The following TTC28 variants were observed in gnomAD, a reference collection of about 807,000 sequenced individuals.
The protein encoded by TTC28 is tetratricopeptide repeat domain 28, also known as tetratricopeptide repeat protein 28.
In TTC28, 61 loss-of-function variants were observed where a neutral mutation model predicts 198.0. That is an observed-to-expected ratio of 0.31 (90% CI 0.25 to 0.38). TTC28 has a LOEUF of 0.38. Among genes scored for constraint, TTC28 ranks in the 10% least tolerant of loss-of-function variants. TTC28 has a pLI of 1.00. For missense variants in TTC28, 2,678 were observed against 3,164.0 expected (o/e 0.85, Z 3.69); for synonymous variants, 1,171 against 1,297.8 (o/e 0.90, Z 2.10).
chr22:28,298,522 A>C (rs931091205), intron 3 of TTC28, among the ~76,000 whole-genome samples: 1 of 152,086 alleles, frequency 6.6e-6, no homozygotes, highest in Admixed American at 6.6e-5. Flanking sequence ...ATCGTGGCTC[A>C]CTGCAGGCTC....
intron 12 of TTC28, among the ~76,000 whole-genome samples, chr22:28,065,750 G>GA (rs1389312236): frequency 1.3e-5 from 2 of 151,334 alleles, no homozygotes; most frequent in Non-Finnish European, 3.0e-5. Flanking sequence ...AGTAAAAAAA[G>GA]AAAGAGTTCT....
Position 28,094,062 on chromosome 22 carries a change from G to C in TTC28, c.3932+18C>G, listed in dbSNP as rs756280116. The C allele has an allele frequency of 4.6e-5, 69 of 1,507,378 alleles. No individual in the cohort carries two copies. The highest frequency in any genetic ancestry group is 5.7e-5 in the Non-Finnish European group (64 of 1,127,920). The allele number at this position is 1,507,378 out of a possible 1,614,324, so 93.4% of individuals were successfully genotyped here. ...GAGATTTATCTGAAAATGGACTTGG[G>C]GATGTTTTACTACCTACCTTGAGTA... On this transcript the variant is annotated intron_variant, in intron 12 of 22. Coordinates refer to ENST00000397906, the MANE Select transcript of TTC28 (RefSeq NM_001145418.2).
chr22:28,296,399 G>T, intron 4 of TTC28, 71 bp from the exon 5 acceptor site: 2 of 1,242,574 alleles, frequency 1.6e-6, no homozygotes, highest in Non-Finnish European at 2.1e-6. Context: ...ACATATAATG[G>T]TCATCTTAAT....
At chr22:28,513,954 A>G (rs5997372) in intron 2 of TTC28, among the ~76,000 whole-genome samples, 11,136 of 152,198 alleles carry the variant, frequency 0.073, 633 homozygotes, top group African/African-American at 0.16. Flanking sequence ...ACTTAAAATC[A>G]TACTGTTATA....
At chr22:28,630,228 A>G (rs1291644249) in intron 1 of TTC28, among the ~76,000 whole-genome samples, 1 of 152,120 alleles carries the variant, frequency 6.6e-6, no homozygotes, top group Non-Finnish European at 1.5e-5. Context: ...CAATCATCAA[A>G]ATCATAAGCC....
intron 2 of TTC28, among the ~76,000 whole-genome samples, chr22:28,608,924 T>C (rs2050776227): frequency 6.6e-6 from 1 of 152,064 alleles, no homozygotes; most frequent in African/African-American, 2.4e-5. Context: ...CAACAAACTC[T>C]GGGAGAGGGG....
In TTC28 at chr22:28,285,618, A is replaced by G. The variant is rs565820231; in HGVS notation, c.933+10580T>C. Among the ~76,000 whole-genome samples the G allele has an allele frequency of 2.6e-5, 4 of 152,332 alleles. No individual in the cohort carries two copies. In the South Asian group the frequency reaches 6.2e-4, roughly 24 times the overall value. On this transcript the variant is annotated intron_variant, in intron 5 of 22. Transcript: ENST00000397906. ...AAGTATGATACTTAATTGTTAATCAATTTGATTGTGGTCGTTTCACAATGT... is the reference window on the plus strand; with the variant it reads ...AAGTATGATACTTAATTGTTAATCAGTTTGATTGTGGTCGTTTCACAATGT...
intron 12 of TTC28, among the ~76,000 whole-genome samples, chr22:28,050,291 G>A (rs1351868912): frequency 1.3e-5 from 2 of 152,142 alleles, no homozygotes; most frequent in Non-Finnish European, 2.9e-5. Context: ...AAGGCAATCA[G>A]GGGCTGAGAA....
At chr22:28,142,004 C>T (rs135640) in intron 6 of TTC28, among the ~76,000 whole-genome samples, 117,799 of 152,158 alleles carry the variant, frequency 0.77, 46,317 homozygotes, top group African/African-American at 0.91. Context: ...TTTTCTGAAA[C>T]TGATGGAAGA....
intron 2 of TTC28, among the ~76,000 whole-genome samples, chr22:28,538,116 C>T (rs2049334200): frequency 1.3e-5 from 2 of 152,104 alleles, no homozygotes; most frequent in African/African-American, 2.4e-5. Flanking sequence ...GAGAGTGCCT[C>T]GCTCTGTTGC....
At chr22:28,631,938 A>T (rs2051179913) in intron 1 of TTC28, among the ~76,000 whole-genome samples, 1 of 152,178 alleles carries the variant, frequency 6.6e-6, no homozygotes, top group African/African-American at 2.4e-5. Flanking sequence ...GCTTGCCCTA[A>T]GTGAAATTAA....
intron 1 of TTC28, among the ~76,000 whole-genome samples, chr22:28,644,778 G>A (rs1465787444): frequency 1.3e-5 from 2 of 151,844 alleles, no homozygotes; most frequent in African/African-American, 2.4e-5. Flanking sequence ...AGCCGAGATC[G>A]CACCACTGCA....
chr22:28,098,867 T>C (rs1469231237), intron 10 of TTC28, 48 bp downstream of exon 10: 8 of 1,542,082 alleles, frequency 5.2e-6, no homozygotes, highest in African/African-American at 1.4e-5. Context: ...CGCGCACCCG[T>C]GCGCACTAGT....
chr22:28,585,322 C>T (rs758047738), intron 2 of TTC28, among the ~76,000 whole-genome samples: 10 of 152,122 alleles, frequency 6.6e-5, no homozygotes, highest in Non-Finnish European at 1.2e-4. Flanking sequence ...TGCAGCTAGA[C>T]GGTCCCATCT....
At chr22:28,349,012 A>C (rs759869971) in intron 2 of TTC28, among the ~76,000 whole-genome samples, 1 of 152,192 alleles carries the variant, frequency 6.6e-6, no homozygotes, top group South Asian at 2.1e-4. Context: ...ACAAAAAACA[A>C]AATCAATAAT....
chr22:28,364,764 A>T (rs117400751), intron 2 of TTC28, among the ~76,000 whole-genome samples: 1 of 152,250 alleles, frequency 6.6e-6, no homozygotes, highest in South Asian at 2.1e-4. Flanking sequence ...AGATGTGACT[A>T]AATTGCTGCA....
At chr22:28,104,287 A>C (rs1204501538) in intron 8 of TTC28, among the ~76,000 whole-genome samples, 2 of 152,278 alleles carry the variant, frequency 1.3e-5, no homozygotes, top group South Asian at 4.2e-4. Context: ...TGACTAACTG[A>C]CTACATGATT....
At chr22:28,598,865 C>T (rs2050588872) in intron 2 of TTC28, among the ~76,000 whole-genome samples, 1 of 152,142 alleles carries the variant, frequency 6.6e-6, no homozygotes, top group Non-Finnish European at 1.5e-5. Flanking sequence ...ATTAAGGATT[C>T]AAGACTATAA....
At chr22:28,603,502 C>T (rs556822307) in intron 2 of TTC28, among the ~76,000 whole-genome samples, 1 of 152,128 alleles carries the variant, frequency 6.6e-6, no homozygotes, top group Non-Finnish European at 1.5e-5. Context: ...ATCCTCTTGC[C>T]TCAGCCTCCC....
Sources: gnomAD v4.1 joint callset for allele counts (sites outside exome capture counted in the v4.1 genomes callset) on GRCh38, gnomAD v4.1.1 for gene constraint, MANE v1.5 for transcripts, NCBI Gene and HGNC (gene_info 2026-07-23, HGNC 2026-07-21) for gene names.